ZC3H13: variants seen among roughly 807,000 people sequenced by gnomAD.
ZC3H13 encodes zinc finger CCCH domain-containing protein 13.
ZC3H13 carries 64 observed loss-of-function variants against 204.1 expected under a neutral mutation model. The ratio of observed to expected loss-of-function variants is 0.31; its 90% CI spans 0.26 to 0.39. The LOEUF (loss-of-function observed/expected upper bound fraction) is 0.39. Among genes scored for constraint, ZC3H13 ranks in the 10% least tolerant of loss-of-function variants. The probability of loss-of-function intolerance (pLI) is 1.00; values close to 1 mark genes in which losing one functional copy is unlikely to be tolerated. For missense variants in ZC3H13, 1,833 were observed against 2,082.7 expected (o/e 0.88, Z 2.33); for synonymous variants, 667 against 693.7 (o/e 0.96, Z 0.60).
chr13:46,039,416 C>T (rs111875283), intron 4 of ZC3H13, among the ~76,000 whole-genome samples: 1,997 of 152,268 alleles, frequency 0.013, 18 homozygotes, highest in Admixed American at 0.031. Flanking sequence ...CCATTTATTA[C>T]GCATGTGTCA....
intron 15 of ZC3H13, among the ~76,000 whole-genome samples, chr13:45,966,706 C>T (rs1054579963): frequency 1.3e-5 from 2 of 152,006 alleles, no homozygotes; most frequent in Non-Finnish European, 2.9e-5. Flanking sequence ...TATTTATACT[C>T]AAAATTGAGA....
In ZC3H13 at chr13:46,030,956, G is replaced by T. The variant is rs138617998; in HGVS notation, c.340-10399C>A. Among the ~76,000 whole-genome samples, 341 of 152,160 alleles carry T rather than the reference G, an allele frequency of 2.2e-3. 1 individual carries two copies. Among genetic ancestry groups the T allele is most frequent in the African/African-American group, 7.6e-3 (315 of 41,524 alleles). On this transcript the variant is annotated intron_variant, in intron 4 of 18. Coordinates refer to ENST00000679008, the MANE Select transcript of ZC3H13 (RefSeq NM_001330564.2). ...AGATACTGACATACTCATTCTATAT[G>T]GAGAACCAGAATAGCCAACACAATA...
intron 7 of ZC3H13, among the ~76,000 whole-genome samples, chr13:46,008,086 A>G (rs2041278519): frequency 6.6e-6 from 1 of 152,164 alleles, no homozygotes; most frequent in African/African-American, 2.4e-5. Flanking sequence ...GTCAGTAATT[A>G]TATCTTTCCA....
chr13:46,016,043 C>A (rs961012656), intron 5 of ZC3H13, among the ~76,000 whole-genome samples: 61 of 152,102 alleles, frequency 4.0e-4, no homozygotes, highest in African/African-American at 1.4e-3. Flanking sequence ...TTTTCAACTT[C>A]ATTAGGAGAA....
intron 9 of ZC3H13, among the ~76,000 whole-genome samples, chr13:45,986,321 C>A (rs547364884): frequency 1.3e-5 from 2 of 152,096 alleles, no homozygotes; most frequent in African/African-American, 4.8e-5. Context: ...AGCTGGGTGA[C>A]GTGGCATGTA....
At chr13:46,022,090 A>G (rs2042250866) in intron 4 of ZC3H13, among the ~76,000 whole-genome samples, 1 of 151,948 alleles carries the variant, frequency 6.6e-6, no homozygotes, top group Non-Finnish European at 1.5e-5. Flanking sequence ...TATCAGATTT[A>G]GAGCCAGAAA....
At chr13:46,003,549 A>G (rs116925501) in intron 7 of ZC3H13, among the ~76,000 whole-genome samples, 1,683 of 152,292 alleles carry the variant, frequency 0.011, 18 homozygotes, top group Non-Finnish European at 0.02. Context: ...TTATTATTAT[A>G]TAACTTTAAA....
chr13:46,005,657 A>T (rs1167979896), intron 7 of ZC3H13, among the ~76,000 whole-genome samples: 1 of 151,900 alleles, frequency 6.6e-6, no homozygotes, highest in Non-Finnish European at 1.5e-5. Context: ...AACTGGCTAA[A>T]TTTCATATTT....
chr13:46,023,286 T>C (rs1172522622), intron 4 of ZC3H13, among the ~76,000 whole-genome samples: 1 of 152,178 alleles, frequency 6.6e-6, no homozygotes, highest in Non-Finnish European at 1.5e-5. Flanking sequence ...GCACCCTTTC[T>C]TCCCATTTCC....
rs200763938 is a variant in ZC3H13 at position 45,988,867 on chromosome 13, C to T, written c.1175G>A (p.Arg392His). Residue 392 changes from arginine to histidine, a missense_variant, in exon 9 of 19, where the codon CGC (arginine) becomes CAC (histidine). By Grantham distance (29) the Arg-to-His change is conservative. Around this residue, in one of 5 missense-constraint regions of ZC3H13, gnomAD observed 1,574 missense variants for 1,757.2 expected, o/e 0.90. Transcript: ENST00000679008. ...PQRKQSPPRH[R>H]SPMREKGRHD... ...TCTCCCTTTCTCTCGCATTGGAGAG[C>T]GATGTCTTGGAGGACTCTGCTTTCT... 5.6e-6 allele frequency: 9 copies of T among 1,614,024 alleles called. No homozygotes were observed. The Admixed American group carries it at 6.7e-5, about 12-fold the overall frequency.
chr13:45,976,077 C>T (rs1393211471), intron 11 of ZC3H13: 1 of 840,040 alleles, frequency 1.2e-6, no homozygotes, highest in African/African-American at 1.8e-5. Flanking sequence ...CCGTCAACCC[C>T]CTTCCCCCCT....
chr13:45,967,854 T>C lies in ZC3H13; in HGVS notation c.3971A>G (p.Asp1324Gly). 1 of 1,613,972 alleles carries C rather than the reference T, an allele frequency of 6.2e-7. No homozygotes were observed. The highest frequency in any genetic ancestry group is 2.2e-5 in the East Asian group (1 of 44,862). The change falls in exon 15 of 19, where the codon GAC (aspartate) becomes GGC (glycine). Residue 1324 changes from aspartate to glycine, a missense_variant. This residue lies in a region of ZC3H13 where 1,574 missense variants were observed against 1,757.2 expected (regional missense o/e 0.90). Transcript: ENST00000679008. ...ERRDTRQREW[D>G]RDADKDWPRN... ...TGGCCAATCTTTATCAGCATCTCGG[T>C]CCCATTCTCTCTGCCTCGTATCTCT...
intron 8 of ZC3H13, among the ~76,000 whole-genome samples, chr13:46,002,648 C>G (rs2040831746): frequency 1.3e-5 from 2 of 152,120 alleles, no homozygotes; most frequent in African/African-American, 4.8e-5. Flanking sequence ...GGACATTCTG[C>G]TAAGTGAAAT....
At chr13:45,984,681 A>C (rs960396079) in intron 10 of ZC3H13, among the ~76,000 whole-genome samples, 4 of 152,214 alleles carry the variant, frequency 2.6e-5, no homozygotes, top group African/African-American at 4.8e-5. Flanking sequence ...AAAAGTGATC[A>C]AAGTTCTGCA....
rs567332689 is a variant in ZC3H13, at chr13:45,969,599, A to G, written c.2945T>C (p.Ile982Thr). 4.0e-5 allele frequency: 65 copies of G among 1,610,628 alleles called. No homozygotes were observed. Among genetic ancestry groups the G allele is most frequent in the South Asian group, 8.9e-5 (8 of 90,130 alleles). The change falls in exon 14 of 19, where the codon ATA becomes ACA. Residue 982 changes from isoleucine to threonine, a missense_variant. By Grantham distance (89) the Ile-to-Thr change is moderately conservative. Coordinates refer to ENST00000679008, the MANE Select transcript of ZC3H13 (RefSeq NM_001330564.2). ...EDDVGIERGN[I>T]ETTSEDGQVF... ...TTGACCATCTTCAGATGTTGTCTCTATGTTACCCCTCTCTATTCCAACATC... is the reference window on the plus strand; with the variant it reads ...TTGACCATCTTCAGATGTTGTCTCTGTGTTACCCCTCTCTATTCCAACATC...
Position 45,969,575 on chromosome 13 carries a change from T to G in ZC3H13, c.2969A>C (p.Gln990Pro). 13 of 1,610,842 alleles carry G rather than the reference T, an allele frequency of 8.1e-6. 1 individual carries two copies. The highest frequency in any genetic ancestry group is 5.9e-6 in the Non-Finnish European group (7 of 1,179,284). ...CTGTCCTTTTTTTGGTGAAAATACT[T>G]GACCATCTTCAGATGTTGTCTCTAT... ...GNIETTSEDG[Q>P]VFSPKKGQKK... The change falls in exon 14 of 19, where the codon CAA becomes CCA. Residue 990 changes from glutamine to proline, a missense_variant. Physicochemically the swap from Gln to Pro is moderately conservative, Grantham distance 76. This residue lies in a region of ZC3H13 where 1,574 missense variants were observed against 1,757.2 expected (regional missense o/e 0.90). Transcript: ENST00000679008.
chr13:46,032,646 A>G (rs1468583777), intron 4 of ZC3H13, among the ~76,000 whole-genome samples: 1 of 152,132 alleles, frequency 6.6e-6, no homozygotes, highest in African/African-American at 2.4e-5. Context: ...ATTTCTAGAG[A>G]TTTATATTTC....
chr13:45,973,978 T>C (rs916205525), intron 12 of ZC3H13, among the ~76,000 whole-genome samples: 26 of 152,192 alleles, frequency 1.7e-4, no homozygotes, highest in Admixed American at 1.5e-3. Flanking sequence ...CTGTGCTGTG[T>C]TGTTTGGCCC....
At chr13:46,008,381 T>C (rs2041304779) in intron 7 of ZC3H13, among the ~76,000 whole-genome samples, 1 of 151,978 alleles carries the variant, frequency 6.6e-6, no homozygotes, top group Non-Finnish European at 1.5e-5. Context: ...ATTTTTAATA[T>C]ACTGTTTTTC....
Sources: gnomAD v4.1 joint callset for allele counts (sites outside exome capture counted in the v4.1 genomes callset) on GRCh38, gnomAD v4.1.1 for gene constraint, gnomAD v4.1.1 regional missense constraint, MANE v1.5 for transcripts, NCBI Gene and HGNC (gene_info 2026-07-23, HGNC 2026-07-21) for gene names.